Variants in STYK1 observed in about 807,000 individuals in gnomAD.
STYK1 encodes STY kinase 1.
In STYK1, 46 loss-of-function variants were observed where a neutral mutation model predicts 48.1. That is an observed-to-expected ratio of 0.96 (90% CI 0.75 to 1.22). The LOEUF (loss-of-function observed/expected upper bound fraction) is 1.22. Among genes scored for constraint, STYK1 ranks in the 50% most tolerant of loss-of-function variants. STYK1 has a pLI of 0.00. For synonymous variants in STYK1, 188 were observed against 189.0 expected (o/e 0.99, Z 0.04); for missense variants, 527 against 521.1 (o/e 1.01, Z -0.11).
At chr12:10,625,858 G>C (rs1947353290) in intron 7 of STYK1, among the ~76,000 whole-genome samples, 1 of 152,116 alleles carries the variant, frequency 6.6e-6, no homozygotes, top group African/African-American at 2.4e-5. Context: ...GAAAGACCTG[G>C]TAACCGACAT....
At chr12:10,651,951 A>G (rs1029816333) in intron 1 of STYK1, among the ~76,000 whole-genome samples, 1 of 152,138 alleles carries the variant, frequency 6.6e-6, no homozygotes, top group African/African-American at 2.4e-5. Context: ...ATTTTGTACT[A>G]TTCTTTTCCT....
chr12:10,669,184 A>G (rs1947867093), intron 1 of STYK1, among the ~76,000 whole-genome samples: 1 of 152,240 alleles, frequency 6.6e-6, no homozygotes, highest in African/African-American at 2.4e-5. Flanking sequence ...GATCTGCAAG[A>G]AATTTTTATA....
intron 10 of STYK1, among the ~76,000 whole-genome samples, chr12:10,621,031 CTTAAA>C (rs1865898962): frequency 6.6e-6 from 1 of 152,150 alleles, no homozygotes; most frequent in South Asian, 2.1e-4. Flanking sequence ...AATTAAGATA[CTTAAA>C]TTTAATCTGC....
intron 3 of STYK1, among the ~76,000 whole-genome samples, 165 bp downstream of exon 3, chr12:10,634,402 C>T (rs561995468): frequency 6.6e-6 from 1 of 152,338 alleles, no homozygotes; most frequent in South Asian, 2.1e-4. Context: ...CTGATTAGCA[C>T]TTACCCTCTC....
chr12:10,653,452 G>A (rs949775352), intron 1 of STYK1, among the ~76,000 whole-genome samples: 5 of 152,158 alleles, frequency 3.3e-5, no homozygotes, highest in African/African-American at 1.2e-4. Flanking sequence ...GATACCTCAT[G>A]AGGAGTACCC....
chr12:10,656,649 A>G (rs907296836), intron 1 of STYK1, among the ~76,000 whole-genome samples: 4 of 152,142 alleles, frequency 2.6e-5, no homozygotes, highest in Admixed American at 2.6e-4. Context: ...ACAAAAAACA[A>G]AAAAACAAGG....
chr12:10,620,092 A>G lies in STYK1; in HGVS notation c.*52T>C. ...AAGACCATTCTCTGTTCTTAGAGGA[A>G]TTGATTCCAAGAACATATACTCATG... On this transcript the variant is annotated 3_prime_UTR_variant, in exon 11 of 11. Transcript: ENST00000075503. 6.3e-7 allele frequency: 1 copy of G among 1,595,146 alleles called. No homozygotes were observed. The highest frequency in any genetic ancestry group is 1.7e-5 in the Admixed American group (1 of 59,922).
chr12:10,649,154 T>C (rs1046307450), intron 1 of STYK1, among the ~76,000 whole-genome samples: 1 of 152,150 alleles, frequency 6.6e-6, no homozygotes, highest in African/African-American at 2.4e-5. Context: ...CTTCAAAATA[T>C]AATTCATGGA....
At chr12:10,669,309 A>G (rs1947868302) in intron 1 of STYK1, among the ~76,000 whole-genome samples, 1 of 152,224 alleles carries the variant, frequency 6.6e-6, no homozygotes, top group Non-Finnish European at 1.5e-5. Context: ...CATGGTACCC[A>G]GGTTTCTGTT....
At chr12:10,642,504 C>G (rs1312347401) in intron 1 of STYK1, among the ~76,000 whole-genome samples, 1 of 152,148 alleles carries the variant, frequency 6.6e-6, no homozygotes, top group African/African-American at 2.4e-5. Context: ...CCTCTTCCTC[C>G]CTTCCTTCTT....
chr12:10,625,632 G>T (rs2120610084), intron 7 of STYK1, among the ~76,000 whole-genome samples: 1 of 152,218 alleles, frequency 6.6e-6, no homozygotes, highest in East Asian at 1.9e-4. Flanking sequence ...AACTGCATGG[G>T]TTGAATTCAG....
intron 1 of STYK1, among the ~76,000 whole-genome samples, chr12:10,648,159 T>C (rs778577755): frequency 5.9e-5 from 9 of 152,286 alleles, no homozygotes; most frequent in South Asian, 2.1e-4. Context: ...AGATTATTCA[T>C]CAAATGGAAT....
In STYK1 at chr12:10,672,808, G is replaced by A. The variant is rs559031168; in HGVS notation, c.-195+1158C>T. On this transcript the variant is annotated intron_variant, in intron 1 of 10. Transcript: ENST00000075503. The surrounding 1 kb of genome is among the most constrained non-coding windows in gnomAD (Gnocchi z 4.0). ...TCACACAGTAATGGAGGCACTGAAC[G>A]AAAAAGTATATGATTTTCATTGAAG... Among the ~76,000 whole-genome samples, 6 of 152,212 alleles carry A rather than the reference G, an allele frequency of 3.9e-5. No homozygotes were observed. The South Asian group carries it at 6.2e-4, about 16-fold the overall frequency.
At chr12:10,669,578 T>A (rs1168446169) in intron 1 of STYK1, among the ~76,000 whole-genome samples, 1 of 152,166 alleles carries the variant, frequency 6.6e-6, no homozygotes, top group Non-Finnish European at 1.5e-5. Flanking sequence ...TAGGCAATGT[T>A]TTTTTGGACA....
chr12:10,622,967 A>C (rs887070771), intron 8 of STYK1, among the ~76,000 whole-genome samples: 2 of 150,198 alleles, frequency 1.3e-5, no homozygotes, highest in Admixed American at 6.6e-5. Flanking sequence ...TAACCACACA[A>C]ACACATTTAC....
At chr12:10,629,340 T>A in intron 6 of STYK1, 153 bp downstream of exon 6, 1 of 753,506 alleles carries the variant, frequency 1.3e-6, no homozygotes, top group East Asian at 2.7e-5. Flanking sequence ...TTTCTATAAT[T>A]ACAAAAAGTT....
chr12:10,662,971 T>C (rs1947793446), intron 1 of STYK1, among the ~76,000 whole-genome samples: 1 of 152,226 alleles, frequency 6.6e-6, no homozygotes, highest in African/African-American at 2.4e-5. Context: ...ATAGTTTTAG[T>C]TCTTATATTC....
rs1478651188 is a variant in STYK1 at position 10,631,065 on chromosome 12, A to G, written c.431T>C (p.Val144Ala). 1 of 1,614,068 alleles carries G rather than the reference A, an allele frequency of 6.2e-7. No individual in the cohort carries two copies. The highest frequency in any genetic ancestry group is 8.5e-7 in the Non-Finnish European group (1 of 1,179,996). ...NTGDPSKPKS[V>A]ILKALKEPAG... is the part of the protein sequence containing the mutation. Reference sequence around the variant, plus strand: ...TTTACCTTTTAAAGCCTTGAGAATAACACTCTTGGGCTTAGAAGGGTCCCC... The same window carrying G: ...TTTACCTTTTAAAGCCTTGAGAATAGCACTCTTGGGCTTAGAAGGGTCCCC... Residue 144 changes from valine to alanine, a missense_variant, in exon 5 of 11, where the codon GTT becomes GCT. By Grantham distance (64) the Val-to-Ala change is moderately conservative. Coordinates refer to ENST00000075503, the MANE Select transcript of STYK1 (RefSeq NM_018423.3).
intron 1 of STYK1, among the ~76,000 whole-genome samples, chr12:10,660,613 A>G (rs1947766573): frequency 6.2e-5 from 2 of 32,482 alleles, no homozygotes; most frequent in Admixed American, 5.4e-4. Context: ...CCCAAGATAC[A>G]GGTCACAGTG....
Sources: allele counts gnomAD v4.1 joint callset (sites outside exome capture counted in the v4.1 genomes callset), GRCh38; gene constraint gnomAD v4.1.1; non-coding constraint Gnocchi (gnomAD v3.1); transcripts MANE v1.5; gene names NCBI Gene and HGNC (gene_info 2026-07-23, HGNC 2026-07-21).